The following SNX2 variants were observed in gnomAD, a reference collection of about 807,000 sequenced individuals.
SNX2 encodes the protein sorting nexin 2.
Under a neutral mutation model 69.9 loss-of-function variants are expected in SNX2, and 25 were observed. That is an observed-to-expected ratio of 0.36 (90% CI 0.26 to 0.50). The LOEUF (loss-of-function observed/expected upper bound fraction) is 0.50, where lower values mean the gene tolerates loss of function less well. SNX2 is among the 20% of genes least tolerant of loss of function. The pLI, the probability that SNX2 is intolerant of heterozygous loss-of-function variation, is 0.97. For synonymous variants in SNX2, 229 were observed against 200.4 expected, an observed-to-expected ratio of 1.14 and a Z score of -1.20; for missense variants, 551 against 613.3, an observed-to-expected ratio of 0.90 and a Z score of 1.07.
intron 6 of SNX2, chr5:122,803,944 G>C (rs957915996): frequency 6.0e-6 from 1 of 167,570 alleles, no homozygotes; most frequent in Non-Finnish European, 1.3e-5. Context: ...TTCAAGACCA[G>C]CCTAGCCAAC....
intron 2 of SNX2, among the ~76,000 whole-genome samples, chr5:122,798,938 T>G (rs1753447935): frequency 6.6e-6 from 1 of 152,150 alleles, no homozygotes; most frequent in Admixed American, 6.5e-5. Context: ...TTATTATTAT[T>G]TAACATCCCA....
chr5:122,817,399 G>A (rs376654483), intron 10 of SNX2, 26 bp downstream of exon 10: 1 of 1,419,850 alleles, frequency 7.0e-7, no homozygotes. Flanking sequence ...TACTTACGTA[G>A]TTAGCACCAT....
chr5:122,811,524 C>G (rs1753776551), intron 7 of SNX2, among the ~76,000 whole-genome samples: 1 of 152,146 alleles, frequency 6.6e-6, no homozygotes, highest in South Asian at 2.1e-4. Context: ...TACTTACATG[C>G]ATTTGTCTTT....
chr5:122,776,976 ATGT>A (rs1440697366), intron 1 of SNX2, among the ~76,000 whole-genome samples: 1 of 152,178 alleles, frequency 6.6e-6, no homozygotes, highest in Non-Finnish European at 1.5e-5. Context: ...ACCTTATTTA[ATGT>A]ACTCATTTAG....
chr5:122,802,068 A>C lies in SNX2; in HGVS notation c.458-13A>C. The C allele has an allele frequency of 6.2e-7, 1 of 1,611,362 alleles. No homozygotes were observed. Among genetic ancestry groups the C allele is most frequent in the Non-Finnish European group, 8.5e-7 (1 of 1,177,678 alleles). On this transcript the variant is annotated splice_polypyrimidine_tract_variant and intron_variant, in intron 4 of 14. Coordinates refer to ENST00000379516, the MANE Select transcript of SNX2 (RefSeq NM_003100.4). ...CATGTGATTTTAATAGTAGTGTTTG[A>C]CTTTTTTTGCAGGTGATGGCATGAA...
intron 1 of SNX2, among the ~76,000 whole-genome samples, chr5:122,786,479 A>G (rs1753091688): frequency 6.6e-6 from 1 of 151,742 alleles, no homozygotes; most frequent in African/African-American, 2.4e-5. Context: ...TTTGTTTAAT[A>G]TCATTATATT....
chr5:122,778,132 G>T (rs1174262886), intron 1 of SNX2, among the ~76,000 whole-genome samples: 1 of 152,278 alleles, frequency 6.6e-6, no homozygotes, highest in South Asian at 2.1e-4. Flanking sequence ...GCTCATCCAT[G>T]TTGTTGCAAA....
At position 122,806,142 on chromosome 5, in the gene SNX2, G is replaced by GCACGCGCGCACACACACACACACA. The variant is rs1554063175; in HGVS notation, c.644-2132_644-2131insGCGCGCACACACACACACACACAC. Among the ~76,000 whole-genome samples, 38 of 130,656 alleles carry GCACGCGCGCACACACACACACACA rather than the reference G, an allele frequency of 2.9e-4. 1 individual carries two copies. Among genetic ancestry groups the GCACGCGCGCACACACACACACACA allele is most frequent in the African/African-American group, 1.1e-3 (38 of 34,542 alleles). The allele number at this position is 130,656 out of a possible 152,430, so 85.7% of individuals were successfully genotyped here. A position where few individuals can be genotyped will look rare whatever the true frequency, so the allele number is the denominator to read the frequency against. The stretch of plus-strand genomic sequence containing the variant: ...TGTGTATATATATACACACGCGCGC[G>GCACGCGCGCACACACACACACACA]CACACACACACACACACACACACAC... On this transcript the variant is annotated intron_variant, in intron 6 of 14. Coordinates refer to ENST00000379516, the MANE Select transcript of SNX2 (RefSeq NM_003100.4).
At position 122,830,040 on chromosome 5, in the gene SNX2, C is replaced by T. The variant is rs1056348983; in HGVS notation, c.*392C>T. On this transcript the variant is annotated 3_prime_UTR_variant, in exon 15 of 15. Transcript: ENST00000379516. ...AATTACCAATGCTTTGAATAATGTT[C>T]ACTTATACATTCCTGTACAGAAATT... The T allele has an allele frequency of 6.1e-6, 1 of 163,608 alleles. No homozygotes were observed. The highest frequency in any genetic ancestry group is 1.3e-5 in the Non-Finnish European group (1 of 75,108). The allele number at this position is 163,608 out of a possible 1,614,324, so 10.1% of individuals were successfully genotyped here.
chr5:122,802,029 GTT>G, intron 4 of SNX2, 50 bp from the exon 5 acceptor site: 1 of 1,562,434 alleles, frequency 6.4e-7, no homozygotes, highest in Non-Finnish European at 8.8e-7. Flanking sequence ...TATTAAATGA[GTT>G]TTATTTTTAT....
chr5:122,806,305 G>A (rs538458452), intron 6 of SNX2, among the ~76,000 whole-genome samples: 1 of 152,204 alleles, frequency 6.6e-6, no homozygotes, highest in Non-Finnish European at 1.5e-5. Flanking sequence ...GTATGGTGAA[G>A]TCTTGAATAA....
At chr5:122,819,632 T>C (rs1374526409) in intron 11 of SNX2, among the ~76,000 whole-genome samples, 1 of 152,224 alleles carries the variant, frequency 6.6e-6, no homozygotes, top group Non-Finnish European at 1.5e-5. Flanking sequence ...TCTGCAGTTT[T>C]CAGACAGTTA....
At chr5:122,824,581 A>C (rs1261242505) in intron 11 of SNX2, among the ~76,000 whole-genome samples, 1 of 152,234 alleles carries the variant, frequency 6.6e-6, no homozygotes, top group Non-Finnish European at 1.5e-5. Flanking sequence ...TTTGACTGCC[A>C]GTTTGCCCTG....
At chr5:122,783,588 A>C (rs1465682551) in intron 1 of SNX2, among the ~76,000 whole-genome samples, 1 of 152,124 alleles carries the variant, frequency 6.6e-6, no homozygotes, top group Non-Finnish European at 1.5e-5. Flanking sequence ...TCAGAAATGA[A>C]CTGACCATAT....
rs72484099 is a variant in SNX2, at chr5:122,793,916, C to CAA, written c.109-1336_109-1335dup. 4.0e-4 allele frequency among the ~76,000 whole-genome samples: 40 copies of CAA among 100,960 alleles called. 2 individuals carry two copies. The highest frequency in any genetic ancestry group is 6.9e-4 in the Admixed American group (7 of 10,148). 66.2% of individuals were successfully genotyped at this position (100,960 alleles called of 152,430 possible). A position where few individuals can be genotyped will look rare whatever the true frequency, so the allele number is the denominator to read the frequency against. On this transcript the variant is annotated intron_variant, in intron 1 of 14. Coordinates refer to ENST00000379516, the MANE Select transcript of SNX2 (RefSeq NM_003100.4). ...CAAGAAGAGCAAAATTCTGTCCCCC[C>CAA]AAAAAAAAAAAAAAAGACCTGGTTT...
At position 122,832,528 on chromosome 5, in the gene SNX2, CCTT is replaced by C. The variant is rs2150020840; in HGVS notation, c.*2881_*2883del. The C allele has an allele frequency of 6.6e-6, 1 of 151,928 alleles. No individual in the cohort carries two copies. Among genetic ancestry groups the C allele is most frequent in the Admixed American group, 6.6e-5 (1 of 15,248 alleles). The allele number at this position is 151,928 out of a possible 1,614,324, so 9.4% of individuals were successfully genotyped here. On this transcript the variant is annotated 3_prime_UTR_variant, in exon 15 of 15. Coordinates refer to ENST00000379516, the MANE Select transcript of SNX2 (RefSeq NM_003100.4). ...ATACCTTTGTTTCATTGTTGCTACTCCTTAAACTTTTTTCTTTATTATCTAGAT... is the reference window on the plus strand; with the variant it reads ...ATACCTTTGTTTCATTGTTGCTACTCAAACTTTTTTCTTTATTATCTAGAT...
intron 11 of SNX2, among the ~76,000 whole-genome samples, chr5:122,822,711 A>C (rs1157219806): frequency 6.6e-6 from 1 of 152,170 alleles, no homozygotes; most frequent in Non-Finnish European, 1.5e-5. Context: ...TTAGAACTAT[A>C]AGAGTTGGCT....
At chr5:122,828,339 A>C (rs796401996) in intron 14 of SNX2, among the ~76,000 whole-genome samples, 8 of 152,210 alleles carry the variant, frequency 5.3e-5, no homozygotes, top group African/African-American at 1.9e-4. Context: ...TTTAATTTTT[A>C]TTTAAACAGC....
At chr5:122,779,012 G>A (rs889710959) in intron 1 of SNX2, among the ~76,000 whole-genome samples, 2 of 152,032 alleles carry the variant, frequency 1.3e-5, no homozygotes, top group East Asian at 1.9e-4. Context: ...TATGAATACT[G>A]TTTTATTCCT....
Sources: allele counts gnomAD v4.1 joint callset (sites outside exome capture counted in the v4.1 genomes callset), GRCh38; gene constraint gnomAD v4.1.1; transcripts MANE v1.5; gene names NCBI Gene and HGNC (gene_info 2026-07-23, HGNC 2026-07-21).